The following PTPN5 variants were observed in gnomAD, a reference collection of about 807,000 sequenced individuals.
PTPN5 encodes tyrosine-protein phosphatase non-receptor type 5.
PTPN5 carries 29 observed loss-of-function variants against 73.9 expected under a neutral mutation model. The observed-to-expected ratio is 0.39, with a 90% CI of 0.29 to 0.54. PTPN5 has a LOEUF of 0.54. Among genes scored for constraint, PTPN5 ranks in the 20% least tolerant of loss-of-function variants. The pLI is 0.65. For synonymous variants in PTPN5, 267 were observed against 304.7 expected (o/e 0.88, Z 1.29); for missense variants, 652 against 751.4 (o/e 0.87, Z 1.55).
rs752333938 is a variant in PTPN5, at chr11:18,729,437, C to A, written c.1604+16G>T. On this transcript the variant is annotated intron_variant, in intron 14 of 14. Transcript: ENST00000358540. This position sits in a 1 kb window ranked among gnomAD's most constrained non-coding sequence, Gnocchi z 5.2. ...CTAGCTCCCTTGTGTGTCCCCACTCCCGCCCGTGGGCTGACCTGTCCTGAC... is the reference window on the plus strand; with the variant it reads ...CTAGCTCCCTTGTGTGTCCCCACTCACGCCCGTGGGCTGACCTGTCCTGAC... 1 of 1,277,634 alleles carries A rather than the reference C, an allele frequency of 7.8e-7. No individual in the cohort carries two copies. The highest frequency in any genetic ancestry group is 1.1e-6 in the Non-Finnish European group (1 of 878,356). 79.1% of individuals were successfully genotyped at this position (1,277,634 alleles called of 1,614,324 possible). A position where few individuals can be genotyped will look rare whatever the true frequency, so the allele number is the denominator to read the frequency against.
At chr11:18,772,453 C>T (rs1343979174) in intron 1 of PTPN5, among the ~76,000 whole-genome samples, 1 of 152,226 alleles carries the variant, frequency 6.6e-6, no homozygotes, top group African/African-American at 2.4e-5. Context: ...CAGCTGTCCA[C>T]TGTCCAGCCA....
chr11:18,749,868 A>G (rs1166552978), intron 3 of PTPN5, among the ~76,000 whole-genome samples: 10 of 152,152 alleles, frequency 6.6e-5, no homozygotes, highest in Non-Finnish European at 1.3e-4. Context: ...CCGGAACTGG[A>G]GTGGAAGGCT....
At chr11:18,746,195 A>ATACAT (rs377606416) in intron 3 of PTPN5, among the ~76,000 whole-genome samples, 2 of 114,038 alleles carry the variant, frequency 1.8e-5, no homozygotes, top group Non-Finnish European at 3.7e-5. Flanking sequence ...ATATATATAC[A>ATACAT]TTTTTTTTTT....
intron 3 of PTPN5, among the ~76,000 whole-genome samples, chr11:18,744,859 C>T (rs1466743624): frequency 6.6e-6 from 1 of 152,202 alleles, no homozygotes; most frequent in Non-Finnish European, 1.5e-5. Flanking sequence ...TCTTAAGTTT[C>T]CCCACCTGGA....
At position 18,742,217 on chromosome 11, in the gene PTPN5, G is replaced by C. The variant is rs1444077380; in HGVS notation, c.725+45C>G. On this transcript the variant is annotated intron_variant, in intron 7 of 14. Coordinates refer to ENST00000358540, the MANE Select transcript of PTPN5 (RefSeq NM_006906.2). The surrounding 1 kb of genome is among the most constrained non-coding windows in gnomAD (Gnocchi z 4.1). ...ATCCACTCTTCTGATCAGGAGCTAAGAGCTCAAGGGCCCGTGGAGCCCACC... is the reference window on the plus strand; with the variant it reads ...ATCCACTCTTCTGATCAGGAGCTAACAGCTCAAGGGCCCGTGGAGCCCACC... The C allele has an allele frequency of 1.9e-6, 3 of 1,609,524 alleles. No homozygotes were observed. Among genetic ancestry groups the C allele is most frequent in the African/African-American group, 1.3e-5 (1 of 74,948 alleles).
At chr11:18,768,364 G>C (rs1413799450) in intron 2 of PTPN5, among the ~76,000 whole-genome samples, 1 of 152,160 alleles carries the variant, frequency 6.6e-6, no homozygotes, top group African/African-American at 2.4e-5. Flanking sequence ...CTGAGTTGGT[G>C]GTGGCCACAG....
intron 2 of PTPN5, among the ~76,000 whole-genome samples, chr11:18,770,037 TA>T (rs1850809436): frequency 6.6e-6 from 1 of 152,120 alleles, no homozygotes; most frequent in Admixed American, 6.5e-5. Flanking sequence ...GGTAGGTCTG[TA>T]ACACGAAGTG....
At chr11:18,730,535 C>G (rs1426936471) in intron 12 of PTPN5, 1 of 152,210 alleles carries the variant, frequency 6.6e-6, no homozygotes, top group South Asian at 2.1e-4. Flanking sequence ...GTCATGAGAA[C>G]GGAGCCCTCA....
intron 3 of PTPN5, among the ~76,000 whole-genome samples, chr11:18,745,692 T>C (rs1460244583): frequency 6.6e-6 from 1 of 152,144 alleles, no homozygotes; most frequent in Non-Finnish European, 1.5e-5. Context: ...AGCAGCAATA[T>C]GCCTGGAATG....
chr11:18,787,798 T>C (rs748499068), intron 1 of PTPN5, among the ~76,000 whole-genome samples: 4 of 152,176 alleles, frequency 2.6e-5, no homozygotes, highest in Non-Finnish European at 5.9e-5. Context: ...TTATCTTCTG[T>C]CTCCCCTGGT....
chr11:18,743,258 G>A lies in PTPN5; in HGVS notation c.399+64C>T. The A allele has an allele frequency of 2.0e-6, 3 of 1,488,560 alleles. No individual in the cohort carries two copies. The South Asian group carries it at 3.4e-5, about 17-fold the overall frequency. The allele number at this position is 1,488,560 out of a possible 1,614,324, so 92.2% of individuals were successfully genotyped here. ...AGAGAAGCCCAATCTGGAGGTTGGG[G>A]AGGGTGGGACTAGAGGCCCCCAACA... On this transcript the variant is annotated intron_variant, in intron 5 of 14. Transcript: ENST00000358540.
At chr11:18,763,879 C>A (rs1374634395) in intron 3 of PTPN5, among the ~76,000 whole-genome samples, 1 of 152,204 alleles carries the variant, frequency 6.6e-6, no homozygotes, top group Non-Finnish European at 1.5e-5. Context: ...TGTGCATAAA[C>A]ACACAGCCTG....
intron 1 of PTPN5, among the ~76,000 whole-genome samples, chr11:18,780,574 A>G (rs937890001): frequency 3.9e-5 from 6 of 151,946 alleles, no homozygotes; most frequent in African/African-American, 1.5e-4. Context: ...GGCCCACCTC[A>G]GCCCAGGTCT....
chr11:18,785,721 T>G (rs953186382), intron 1 of PTPN5, among the ~76,000 whole-genome samples: 3 of 152,218 alleles, frequency 2.0e-5, no homozygotes, highest in African/African-American at 7.2e-5. Flanking sequence ...GGCTGTTTCA[T>G]GTCGACTCTT....
chr11:18,732,270 T>C (rs1292654610), intron 12 of PTPN5, among the ~76,000 whole-genome samples: 2 of 152,196 alleles, frequency 1.3e-5, no homozygotes, highest in Admixed American at 1.3e-4. Context: ...TGGAGGCTGC[T>C]GAAGTCCCCT....
At chr11:18,746,192 T>TATATATATAC (rs550537453) in intron 3 of PTPN5, among the ~76,000 whole-genome samples, 3,452 of 102,478 alleles carry the variant, frequency 0.034, 233 homozygotes, top group Admixed American at 0.053. Context: ...TATATATATA[T>TATATATATAC]ACATTTTTTT....
chr11:18,788,853 A>G (rs1851786876), intron 1 of PTPN5, among the ~76,000 whole-genome samples: 1 of 152,228 alleles, frequency 6.6e-6, no homozygotes, highest in African/African-American at 2.4e-5. Context: ...CCTATCTGCA[A>G]AATGAGGATG....
chr11:18,765,618 A>G (rs754435148), intron 3 of PTPN5, among the ~76,000 whole-genome samples, 189 bp downstream of exon 3: 7 of 152,220 alleles, frequency 4.6e-5, no homozygotes, highest in Non-Finnish European at 1.0e-4. Context: ...GCTCCAAGTG[A>G]TAACAGGTCA....
chr11:18,756,458 G>A (rs1427291082), intron 3 of PTPN5, among the ~76,000 whole-genome samples: 3 of 151,896 alleles, frequency 2.0e-5, no homozygotes, highest in African/African-American at 4.8e-5. Flanking sequence ...CATCATGCCT[G>A]GCTAGTTTTT....
Sources: allele counts gnomAD v4.1 joint callset (sites outside exome capture counted in the v4.1 genomes callset), GRCh38; gene constraint gnomAD v4.1.1; non-coding constraint Gnocchi (gnomAD v3.1); transcripts MANE v1.5; gene names NCBI Gene and HGNC (gene_info 2026-07-23, HGNC 2026-07-21).